LRRC4C: variants seen among roughly 807,000 people sequenced by gnomAD.
LRRC4C encodes the protein leucine rich repeat containing 4C.
A neutral mutation model predicts 33.6 loss-of-function variants in LRRC4C; 5 were observed. That is an observed-to-expected ratio of 0.15 (90% CI 0.08 to 0.31). LRRC4C has a LOEUF of 0.31. Ranked by LOEUF, LRRC4C falls within the 10% of genes least tolerant of loss-of-function variation. The probability of loss-of-function intolerance (pLI) is 1.00; values close to 1 mark genes in which losing one functional copy is unlikely to be tolerated. For missense variants in LRRC4C, 560 were observed against 796.7 expected (o/e 0.70, Z 3.58); for synonymous variants, 329 against 302.0 (o/e 1.09, Z -0.93).
chr11:41,020,787 G>T (rs1043602835), intron 1 of LRRC4C, among the ~76,000 whole-genome samples: 1 of 152,152 alleles, frequency 6.6e-6, no homozygotes, highest in African/African-American at 2.4e-5. Flanking sequence ...TCTTCTTTTA[G>T]TTGGGACTTC....
At chr11:41,268,807 AC>A in intron 1 of LRRC4C, among the ~76,000 whole-genome samples, 1 of 152,174 alleles carries the variant, frequency 6.6e-6, no homozygotes, top group Admixed American at 6.6e-5. Flanking sequence ...ATCTCTCTGT[AC>A]TTTGAAAAAA....
intron 1 of LRRC4C, among the ~76,000 whole-genome samples, chr11:41,052,059 G>A (rs2138140200): frequency 6.6e-6 from 1 of 152,056 alleles, no homozygotes; most frequent in African/African-American, 2.4e-5. Flanking sequence ...GCTCTGTACT[G>A]GGCAACACCA....
At chr11:40,177,462 C>A (rs1860602814) in intron 5 of LRRC4C, among the ~76,000 whole-genome samples, 1 of 152,024 alleles carries the variant, frequency 6.6e-6, no homozygotes, top group South Asian at 2.1e-4. Context: ...TTAGCTCCGA[C>A]TTCTCTCCCT....
intron 2 of LRRC4C, among the ~76,000 whole-genome samples, chr11:40,670,186 G>A (rs1944020201): frequency 6.6e-6 from 1 of 152,122 alleles, no homozygotes; most frequent in Non-Finnish European, 1.5e-5. Flanking sequence ...GTCACTTAAA[G>A]GTGAAGTCTG....
At chr11:40,163,680 T>C (rs1399101288) in intron 5 of LRRC4C, among the ~76,000 whole-genome samples, 1 of 152,170 alleles carries the variant, frequency 6.6e-6, no homozygotes, top group Non-Finnish European at 1.5e-5. Context: ...ATAGCAAGTA[T>C]GGTACCTGGT....
intron 6 of LRRC4C, among the ~76,000 whole-genome samples, chr11:40,127,185 G>A (rs1856309984): frequency 1.3e-5 from 2 of 151,986 alleles, no homozygotes; most frequent in Admixed American, 1.3e-4. Flanking sequence ...GCTGAGGCAG[G>A]AAAATCGCTT....
intron 3 of LRRC4C, among the ~76,000 whole-genome samples, chr11:40,374,953 C>A (rs1268709919): frequency 1.3e-5 from 2 of 152,132 alleles, no homozygotes; most frequent in African/African-American, 2.4e-5. Context: ...ACATAGCTGG[C>A]AAGCAACTAT....
intron 1 of LRRC4C, among the ~76,000 whole-genome samples, chr11:40,964,685 A>G (rs1039440196): frequency 2.0e-5 from 3 of 151,676 alleles, no homozygotes; most frequent in Non-Finnish European, 4.4e-5. Flanking sequence ...CCATGTCCCT[A>G]CAAAGGACAT....
At chr11:40,536,280 G>A (rs1350925734) in intron 3 of LRRC4C, among the ~76,000 whole-genome samples, 2 of 151,716 alleles carry the variant, frequency 1.3e-5, no homozygotes, top group African/African-American at 2.4e-5. Flanking sequence ...TGCAACCTCC[G>A]CCTCCTGGGT....
chr11:40,135,683 T>C (rs1856921674), intron 6 of LRRC4C, among the ~76,000 whole-genome samples: 1 of 152,168 alleles, frequency 6.6e-6, no homozygotes, highest in Non-Finnish European at 1.5e-5. Context: ...ATGTCTTTAT[T>C]CTTGAAAGGA....
chr11:40,661,735 C>T (rs1010182562), intron 2 of LRRC4C, among the ~76,000 whole-genome samples: 1 of 152,174 alleles, frequency 6.6e-6, no homozygotes, highest in African/African-American at 2.4e-5. Context: ...TTTCACTTAT[C>T]CCAAAAGCAT....
chr11:40,222,261 TAA>T (rs1029355654), intron 5 of LRRC4C, among the ~76,000 whole-genome samples: 1 of 152,190 alleles, frequency 6.6e-6, no homozygotes, highest in Non-Finnish European at 1.5e-5. Flanking sequence ...TGGCCTCGCT[TAA>T]AGTGTTTGCT....
At chr11:40,224,685 G>C (rs1398509986) in intron 5 of LRRC4C, among the ~76,000 whole-genome samples, 2 of 152,160 alleles carry the variant, frequency 1.3e-5, no homozygotes, top group Non-Finnish European at 2.9e-5. Flanking sequence ...GGTTAAATGA[G>C]ATAACGTATG....
intron 3 of LRRC4C, among the ~76,000 whole-genome samples, chr11:40,562,784 T>C (rs1957600907): frequency 6.6e-6 from 1 of 152,194 alleles, no homozygotes; most frequent in Non-Finnish European, 1.5e-5. Context: ...AAATTGTGTA[T>C]GTGAGTGGGT....
intron 2 of LRRC4C, among the ~76,000 whole-genome samples, chr11:40,704,097 T>C (rs993782162): frequency 1.3e-5 from 2 of 152,046 alleles, no homozygotes; most frequent in African/African-American, 4.8e-5. Context: ...ATAATACAAA[T>C]AAAAAATACA....
At chr11:40,326,556 A>C (rs1351376332) in intron 3 of LRRC4C, among the ~76,000 whole-genome samples, 2 of 149,026 alleles carry the variant, frequency 1.3e-5, no homozygotes, top group Non-Finnish European at 3.0e-5. Context: ...TCAAAAGAAA[A>C]AAAAAAAAAA....
intron 2 of LRRC4C, among the ~76,000 whole-genome samples, chr11:40,855,242 C>A (rs1953723352): frequency 6.6e-6 from 1 of 152,196 alleles, no homozygotes; most frequent in South Asian, 2.1e-4. Flanking sequence ...CTAACAATCA[C>A]ATCTCCATTC....
At chr11:41,235,439 C>T (rs926027527) in intron 1 of LRRC4C, among the ~76,000 whole-genome samples, 9 of 152,068 alleles carry the variant, frequency 5.9e-5, no homozygotes, top group African/African-American at 2.2e-4. Context: ...GTTTTTACCT[C>T]TGTTGTCTTG....
intron 2 of LRRC4C, among the ~76,000 whole-genome samples, chr11:40,758,435 C>G (rs1333480287): frequency 6.6e-6 from 1 of 151,912 alleles, no homozygotes; most frequent in Non-Finnish European, 1.5e-5. Context: ...TTTAAATGCC[C>G]TCATTGACTG....
Sources: gnomAD v4.1 joint callset for allele counts (sites outside exome capture counted in the v4.1 genomes callset) on GRCh38, gnomAD v4.1.1 for gene constraint, MANE v1.5 for transcripts, NCBI Gene and HGNC (gene_info 2026-07-23, HGNC 2026-07-21) for gene names.